The following SATB2 variants were observed in gnomAD, a reference collection of about 807,000 sequenced individuals.
SATB2 encodes the protein SATB homeobox 2.
Under a neutral mutation model 73.4 loss-of-function variants are expected in SATB2, and 1 was observed. The observed-to-expected ratio is 0.01, with a 90% CI of 0.00 to 0.06. The LOEUF is 0.06. Ranked by LOEUF, SATB2 falls within the 10% of genes least tolerant of loss-of-function variation. The pLI, the probability that SATB2 is intolerant of heterozygous loss-of-function variation, is 1.00. For missense variants in SATB2, 459 were observed against 945.8 expected (o/e 0.49, Z 6.75); for synonymous variants, 397 against 367.0 (o/e 1.08, Z -0.93).
intron 2 of SATB2, among the ~76,000 whole-genome samples, chr2:199,452,830 C>T (rs1185702067): frequency 2.0e-5 from 3 of 151,984 alleles, no homozygotes; most frequent in Admixed American, 6.6e-5. Context: ...TGAGCACTTA[C>T]ATTTTATTAC....
At chr2:199,382,862 C>T (rs1689820069) in intron 3 of SATB2, among the ~76,000 whole-genome samples, 1 of 152,106 alleles carries the variant, frequency 6.6e-6, no homozygotes, top group Non-Finnish European at 1.5e-5. Context: ...TTTGACAATA[C>T]AGGTGAGTCC....
chr2:199,438,941 A>G (rs964021325), intron 2 of SATB2, among the ~76,000 whole-genome samples: 1 of 152,258 alleles, frequency 6.6e-6, no homozygotes, highest in African/African-American at 2.4e-5. Flanking sequence ...AATCCCAAGC[A>G]GGCTGCTTTC....
chr2:199,383,939 G>T (rs1689853716), intron 3 of SATB2, among the ~76,000 whole-genome samples: 1 of 152,118 alleles, frequency 6.6e-6, no homozygotes, highest in African/African-American at 2.4e-5. Flanking sequence ...GGGACATATG[G>T]GGATTTTCTT....
At chr2:199,303,636 C>T (rs989734616) in intron 10 of SATB2, among the ~76,000 whole-genome samples, 3 of 152,068 alleles carry the variant, frequency 2.0e-5, no homozygotes, top group Admixed American at 2.0e-4. Context: ...GCCAGTAGCA[C>T]CCCCAAATTA....
intron 3 of SATB2, among the ~76,000 whole-genome samples, chr2:199,405,030 T>C (rs1690589183): frequency 1.3e-5 from 2 of 152,224 alleles, no homozygotes; most frequent in South Asian, 2.1e-4. Context: ...TAATTATAAA[T>C]GCATGGGCTG....
chr2:199,273,776 T>C (rs1025885033), intron 10 of SATB2, among the ~76,000 whole-genome samples: 2 of 152,192 alleles, frequency 1.3e-5, no homozygotes, highest in African/African-American at 2.4e-5. Context: ...TTAAATAATT[T>C]TTCTTTTATT....
At chr2:199,437,144 A>G (rs746201447) in intron 2 of SATB2, among the ~76,000 whole-genome samples, 9 of 152,202 alleles carry the variant, frequency 5.9e-5, no homozygotes, top group Non-Finnish European at 1.0e-4. Context: ...CTTTTATTGT[A>G]GCACAGACCC....
chr2:199,399,495 A>C (rs1690405244), intron 3 of SATB2, among the ~76,000 whole-genome samples: 1 of 152,170 alleles, frequency 6.6e-6, no homozygotes, highest in Non-Finnish European at 1.5e-5. Context: ...TTTTCACAAA[A>C]ATCCTACAAT....
At position 199,421,917 on chromosome 2, in the gene SATB2, A is replaced by G. The variant is rs138411067; in HGVS notation, c.346+11421T>C. ...ATTTTCAAAGAACAACTGTATCTGC[A>G]CATAAATGTTGACGTAAATTACTCT... On this transcript the variant is annotated intron_variant, in intron 3 of 10. Coordinates refer to ENST00000417098, the MANE Select transcript of SATB2 (RefSeq NM_001172509.2). 3.3e-5 allele frequency among the ~76,000 whole-genome samples: 5 copies of G among 152,360 alleles called. No individual in the cohort carries two copies. In the East Asian group the frequency reaches 9.6e-4, roughly 29 times the overall value.
chr2:199,424,782 T>C (rs1691277395), intron 3 of SATB2, among the ~76,000 whole-genome samples: 1 of 152,220 alleles, frequency 6.6e-6, no homozygotes, highest in African/African-American at 2.4e-5. Context: ...GCCAAGACTT[T>C]TTTACTGTCC....
chr2:199,376,179 A>G (rs1445817129), intron 5 of SATB2, among the ~76,000 whole-genome samples: 2 of 152,196 alleles, frequency 1.3e-5, no homozygotes, highest in Non-Finnish European at 2.9e-5. Flanking sequence ...ATCACACAAC[A>G]TATCAGAAGC....
In SATB2 at chr2:199,435,579, G is replaced by T. The variant is rs560551543; in HGVS notation, c.170-2065C>A. Among the ~76,000 whole-genome samples, 17 of 152,126 alleles carry T rather than the reference G, an allele frequency of 1.1e-4. No individual in the cohort carries two copies. The South Asian group carries it at 3.5e-3, about 32-fold the overall frequency. On this transcript the variant is annotated intron_variant, in intron 2 of 10. Coordinates refer to ENST00000417098, the MANE Select transcript of SATB2 (RefSeq NM_001172509.2). The stretch of plus-strand genomic sequence containing the variant: ...GGCTGGTCTCGAACTCCTAACCTCA[G>T]GTGATCCACCTGCCTTGGCCTCCCA...
At chr2:199,342,540 T>C (rs930381827) in intron 7 of SATB2, among the ~76,000 whole-genome samples, 2 of 152,066 alleles carry the variant, frequency 1.3e-5, no homozygotes, top group African/African-American at 4.8e-5. Flanking sequence ...ACCCTGTGTC[T>C]AGAAACACGT....
chr2:199,281,557 A>G (rs1423714192), intron 10 of SATB2, among the ~76,000 whole-genome samples: 2 of 152,100 alleles, frequency 1.3e-5, no homozygotes, highest in Admixed American at 6.5e-5. Context: ...ACTCAATTAG[A>G]ATTTGTTGAA....
chr2:199,338,917 TA>T (rs564809180), intron 7 of SATB2, among the ~76,000 whole-genome samples: 126 of 128,022 alleles, frequency 9.8e-4, no homozygotes, highest in East Asian at 2.7e-3. Flanking sequence ...GACTCTGTCT[TA>T]AAAAAAAAAA....
chr2:199,378,785 CA>C (rs1366060963), intron 5 of SATB2, among the ~76,000 whole-genome samples: 1 of 152,136 alleles, frequency 6.6e-6, no homozygotes, highest in Non-Finnish European at 1.5e-5. Context: ...ATGTAATTTC[CA>C]ATCATTTAAT....
intron 10 of SATB2, among the ~76,000 whole-genome samples, chr2:199,282,395 A>T (rs1438111909): frequency 6.6e-6 from 1 of 152,200 alleles, no homozygotes; most frequent in Non-Finnish European, 1.5e-5. Flanking sequence ...TGTATAACCT[A>T]TAAGATGGCA....
intron 1 of SATB2, among the ~76,000 whole-genome samples, chr2:199,456,666 A>C (rs1692284508): frequency 1.3e-5 from 2 of 152,126 alleles, no homozygotes; most frequent in Admixed American, 1.3e-4. Flanking sequence ...CATAAAATCA[A>C]CCCTAATTCC....
At chr2:199,466,944 T>C (rs539141538), upstream of SATB2, among the ~76,000 whole-genome samples, 15 of 152,378 alleles carry the variant, frequency 9.8e-5, no homozygotes, top group South Asian at 3.1e-3. Context: ...ATTAAGACAG[T>C]TATGCGCCGT....
Sources: gnomAD v4.1 joint callset for allele counts (sites outside exome capture counted in the v4.1 genomes callset) on GRCh38, gnomAD v4.1.1 for gene constraint, MANE v1.5 for transcripts, NCBI Gene and HGNC (gene_info 2026-07-23, HGNC 2026-07-21) for gene names.